The following ZFYVE28 variants were observed in gnomAD, a reference collection of about 807,000 sequenced individuals.
The protein encoded by ZFYVE28 is zinc finger FYVE-type containing 28, also known as lateral signaling target protein 2 homolog.
In ZFYVE28, 40 loss-of-function variants were observed where a neutral mutation model predicts 82.1. The observed-to-expected ratio is 0.49, with a 90% CI of 0.38 to 0.63. ZFYVE28 has a LOEUF of 0.63. Ranked by LOEUF, ZFYVE28 falls within the 30% of genes least tolerant of loss-of-function variation. The pLI is 0.00. For missense variants in ZFYVE28, 1,321 were observed against 1,242.1 expected (o/e 1.06, Z -0.96); for synonymous variants, 612 against 546.1 (o/e 1.12, Z -1.68).
chr4:2,322,916 G>A (rs1354358976), intron 6 of ZFYVE28, among the ~76,000 whole-genome samples: 1 of 152,198 alleles, frequency 6.6e-6, no homozygotes, highest in Non-Finnish European at 1.5e-5. Flanking sequence ...CGTGGCGAAT[G>A]TTCCCGCGCA....
chr4:2,283,577 CCCATCCATCCATCCATCCAT>C (rs564572115), intron 8 of ZFYVE28, among the ~76,000 whole-genome samples: 2 of 147,148 alleles, frequency 1.4e-5, no homozygotes, highest in Admixed American at 1.3e-4. Context: ...CGTCCATCCA[CCCATCCATCCATCCATCCAT>C]CCATCCATCC....
Position 2,305,395 on chromosome 4 carries a change from G to C in ZFYVE28, c.945C>G (p.Pro315=). ...ALAPALSAPL[P]PEGPLSAKAK... ...CCTTAGCTGAGAGTGGCCCCTCAGGGGGGAGAGGGGCAGAGAGGGCAGGCG... is the reference window on the plus strand; with the variant it reads ...CCTTAGCTGAGAGTGGCCCCTCAGGCGGGAGAGGGGCAGAGAGGGCAGGCG... The change falls in exon 8 of 13, where the codon CCC becomes CCG. Residue 315 remains proline, a synonymous_variant. Transcript: ENST00000290974. The C allele has an allele frequency of 6.2e-7, 1 of 1,612,786 alleles. No individual in the cohort carries two copies. The highest frequency in any genetic ancestry group is 8.5e-7 in the Non-Finnish European group (1 of 1,179,858).
At chr4:2,301,891 G>C (rs1257011005) in intron 8 of ZFYVE28, among the ~76,000 whole-genome samples, 1 of 152,212 alleles carries the variant, frequency 6.6e-6, no homozygotes, top group African/African-American at 2.4e-5. Context: ...TCACCCAAAA[G>C]AAAGAGGAGA....
At chr4:2,308,683 G>GAAAGAAAGAGAGAGAAAGA in intron 7 of ZFYVE28, among the ~76,000 whole-genome samples, 1 of 81,514 alleles carries the variant, frequency 1.2e-5, no homozygotes, top group South Asian at 4.7e-4. Context: ...GAAAGAGAAA[G>GAAAGAAAGAGAGAGAAAGA]AAAGAAAAGA....
Position 2,270,847 on chromosome 4 carries a change from A to G in ZFYVE28, c.2542T>C (p.Ser848Pro), listed in dbSNP as rs1242358335. The change falls in exon 13 of 13, where the codon TCG becomes CCG. Residue 848 changes from serine to proline, a missense_variant. Ser to Pro is a moderately conservative substitution (Grantham distance 74, BLOSUM62 -1). Transcript: ENST00000290974. Reference sequence around the variant, plus strand: ...GGTGCTGAGTGCGAGGAGCAGCGCGAGCAGAAGATCTGGAATGGGGTTGGG... The same window carrying G: ...GGTGCTGAGTGCGAGGAGCAGCGCGGGCAGAAGATCTGGAATGGGGTTGGG... ...HCRSCGKIFC[S>P]RCSSHSAPLP... 3 of 1,612,696 alleles carry G rather than the reference A, an allele frequency of 1.9e-6. No homozygotes were observed. Among genetic ancestry groups the G allele is most frequent in the Non-Finnish European group, 2.5e-6 (3 of 1,179,922 alleles).
chr4:2,383,934 G>A lies in ZFYVE28; in HGVS notation c.40-29861C>T, dbSNP rs113205695. Among the ~76,000 whole-genome samples, 550 of 152,214 alleles carry A rather than the reference G, an allele frequency of 3.6e-3. 1 individual carries two copies. Among genetic ancestry groups the A allele is most frequent in the Non-Finnish European group, 6.7e-3 (454 of 68,002 alleles). ...TGGAGAAAATGAGGTCGTCACACAG[G>A]GTCATCACTCACAGTCTCTCTCAAT... On this transcript the variant is annotated intron_variant, in intron 1 of 12. Transcript: ENST00000290974.
intron 2 of ZFYVE28, among the ~76,000 whole-genome samples, chr4:2,347,686 A>G (rs544091014): frequency 7.3e-5 from 11 of 149,804 alleles, no homozygotes; most frequent in African/African-American, 2.7e-4. Flanking sequence ...CAAACATGAA[A>G]TCAAAGAGGA....
intron 7 of ZFYVE28, among the ~76,000 whole-genome samples, chr4:2,306,508 G>T (rs767892748): frequency 1.3e-5 from 2 of 152,172 alleles, no homozygotes; most frequent in Non-Finnish European, 2.9e-5. Context: ...TGAGGAAATG[G>T]GAATTCTCAG....
chr4:2,302,278 T>C (rs1715677980), intron 8 of ZFYVE28, among the ~76,000 whole-genome samples: 1 of 152,250 alleles, frequency 6.6e-6, no homozygotes, highest in South Asian at 2.1e-4. Flanking sequence ...TCAGACAGAC[T>C]TCTCTGGGTC....
At chr4:2,325,490 G>A (rs977241932) in intron 6 of ZFYVE28, among the ~76,000 whole-genome samples, 12 of 151,658 alleles carry the variant, frequency 7.9e-5, no homozygotes, top group East Asian at 5.8e-4. Context: ...TGATAAAAGC[G>A]TTTGTGCAAA....
In ZFYVE28 at chr4:2,417,259, G is replaced by A. The variant is rs1253273351; in HGVS notation, c.39+1026C>T. ...GGGCCCGGGCCTCCCCGCTGCGCCGGCCCCAGGGTGCCACCCTCGGACGCC... is the reference window on the plus strand; with the variant it reads ...GGGCCCGGGCCTCCCCGCTGCGCCGACCCCAGGGTGCCACCCTCGGACGCC... On this transcript the variant is annotated intron_variant, in intron 1 of 12. Coordinates refer to ENST00000290974, the MANE Select transcript of ZFYVE28 (RefSeq NM_020972.3). This position sits in a 1 kb window ranked among gnomAD's most constrained non-coding sequence, Gnocchi z 4.8. 2.6e-5 allele frequency among the ~76,000 whole-genome samples: 4 copies of A among 152,136 alleles called. No homozygotes were observed. The East Asian group carries it at 7.7e-4, about 29-fold the overall frequency.
chr4:2,388,885 G>A (rs1053298699), intron 1 of ZFYVE28, among the ~76,000 whole-genome samples: 1 of 152,128 alleles, frequency 6.6e-6, no homozygotes, highest in Non-Finnish European at 1.5e-5. Context: ...ATTTCAACCC[G>A]AAATCTAGGA....
chr4:2,382,176 T>G (rs936917059), intron 1 of ZFYVE28, among the ~76,000 whole-genome samples: 1 of 152,206 alleles, frequency 6.6e-6, no homozygotes, highest in East Asian at 1.9e-4. Flanking sequence ...GGGGCACTCA[T>G]GGAGAACCTC....
At chr4:2,384,759 TA>T (rs1260791777) in intron 1 of ZFYVE28, among the ~76,000 whole-genome samples, 5 of 152,194 alleles carry the variant, frequency 3.3e-5, no homozygotes. Flanking sequence ...AATCTTTATT[TA>T]ATTCAGCATA....
intron 2 of ZFYVE28, among the ~76,000 whole-genome samples, chr4:2,353,515 G>T (rs916785956): frequency 6.6e-6 from 1 of 152,148 alleles, no homozygotes. Flanking sequence ...TATTTTTAGC[G>T]GCAGCTTCCA....
rs953083602 is a variant in ZFYVE28 at position 2,408,431 on chromosome 4, A to C, written c.39+9854T>G. The stretch of plus-strand genomic sequence containing the variant: ...GACTTCCAGGCTGGGCCTCAGGATC[A>C]CCTTGCCACTCTGCTCCACTGCCCT... On this transcript the variant is annotated intron_variant, in intron 1 of 12. Transcript: ENST00000290974. The surrounding 1 kb of genome is among the most constrained non-coding windows in gnomAD (Gnocchi z 4.3). Among the ~76,000 whole-genome samples, 1 of 151,910 alleles carries C rather than the reference A, an allele frequency of 6.6e-6. No homozygotes were observed. Among genetic ancestry groups the C allele is most frequent in the African/African-American group, 2.4e-5 (1 of 41,330 alleles).
chr4:2,337,563 G>A (rs917702726), intron 4 of ZFYVE28, 67 bp from the exon 5 acceptor site: 15 of 1,298,848 alleles, frequency 1.2e-5, no homozygotes, highest in African/African-American at 3.0e-5. Flanking sequence ...AAACAGAGTG[G>A]GGGGCATCTT....
Position 2,341,105 on chromosome 4 carries a change from C to T in ZFYVE28, c.318+373G>A, listed in dbSNP as rs983296553. 2.6e-5 allele frequency among the ~76,000 whole-genome samples: 4 copies of T among 152,104 alleles called. No homozygotes were observed. The highest frequency in any genetic ancestry group is 5.9e-5 in the Non-Finnish European group (4 of 68,010). ...ATGTGGCCTGCGTGGGGCTGCAGCA[C>T]GGCTCCCCAGCCCCTGCTGCTGCCC... On this transcript the variant is annotated intron_variant, in intron 3 of 12. Coordinates refer to ENST00000290974, the MANE Select transcript of ZFYVE28 (RefSeq NM_020972.3). The surrounding 1 kb of genome is among the most constrained non-coding windows in gnomAD (Gnocchi z 4.5).
chr4:2,410,334 T>C (rs373983207), intron 1 of ZFYVE28, among the ~76,000 whole-genome samples: 28 of 152,318 alleles, frequency 1.8e-4, no homozygotes, highest in African/African-American at 6.5e-4. Context: ...ATTTGCCTCT[T>C]CTGGACATTT....
Sources: gnomAD v4.1 joint callset for allele counts (sites outside exome capture counted in the v4.1 genomes callset) on GRCh38, gnomAD v4.1.1 for gene constraint, Gnocchi (gnomAD v3.1) non-coding constraint, MANE v1.5 for transcripts, NCBI Gene and HGNC (gene_info 2026-07-23, HGNC 2026-07-21) for gene names.